VWF: variants seen among roughly 807,000 people sequenced by gnomAD.
VWF encodes von Willebrand factor.
A neutral mutation model predicts 308.6 loss-of-function variants in VWF; 176 were observed. The ratio of observed to expected loss-of-function variants is 0.57; its 90% CI spans 0.50 to 0.65. The LOEUF (loss-of-function observed/expected upper bound fraction) is 0.65, where lower values mean the gene tolerates loss of function less well. Among genes scored for constraint, VWF ranks in the 30% least tolerant of loss-of-function variants. The probability of loss-of-function intolerance (pLI) is 0.00; values close to 1 mark genes in which losing one functional copy is unlikely to be tolerated. For synonymous variants in VWF, 1,385 were observed against 1,443.4 expected (o/e 0.96, Z 0.92); for missense variants, 3,146 against 3,648.2 (o/e 0.86, Z 3.55).
At chr12:6,059,667 C>T (rs968225087) in intron 13 of VWF, among the ~76,000 whole-genome samples, 2 of 152,056 alleles carry the variant, frequency 1.3e-5, no homozygotes, top group African/African-American at 4.8e-5. Context: ...TCTCATTCTT[C>T]ATCATCTCCC....
intron 10 of VWF, among the ~76,000 whole-genome samples, chr12:6,066,509 A>G (rs1944716381): frequency 1.3e-5 from 2 of 152,270 alleles, no homozygotes; most frequent in South Asian, 4.1e-4. Flanking sequence ...TAAGGATCAA[A>G]GCAAAGATGA....
chr12:6,044,210 T>C (rs2136440118), intron 18 of VWF, 81 bp downstream of exon 18: 1 of 1,562,860 alleles, frequency 6.4e-7, no homozygotes, highest in South Asian at 1.2e-5. Flanking sequence ...TCTTCCTCTC[T>C]CTGGCTGCAC....
intron 5 of VWF, among the ~76,000 whole-genome samples, chr12:6,096,443 C>T (rs1945106949): frequency 6.6e-6 from 1 of 152,208 alleles, no homozygotes; most frequent in African/African-American, 2.4e-5. Flanking sequence ...ACCTGGGCAT[C>T]CCTCTACCAA....
chr12:6,117,151 T>C (rs758901254), intron 3 of VWF, among the ~76,000 whole-genome samples: 29 of 152,222 alleles, frequency 1.9e-4, no homozygotes, highest in Non-Finnish European at 3.7e-4. Context: ...AAAGTGTGTT[T>C]GATCCATAAC....
At chr12:6,032,301 C>T (rs1401612184) in intron 20 of VWF, among the ~76,000 whole-genome samples, 1 of 151,150 alleles carries the variant, frequency 6.6e-6, no homozygotes, top group Admixed American at 6.6e-5. Context: ...GCACTCCAGC[C>T]TGGTGACAGA....
chr12:6,064,427 C>T (rs920836999), intron 11 of VWF, 43 bp from the exon 12 acceptor site: 1 of 1,611,640 alleles, frequency 6.2e-7, no homozygotes, highest in Admixed American at 1.7e-5. Context: ...CACCCCCTGC[C>T]TATCCAGCTC....
chr12:6,034,863 C>G (rs889183960), intron 19 of VWF, 37 bp from the exon 20 acceptor site: 2 of 1,611,168 alleles, frequency 1.2e-6, no homozygotes, highest in African/African-American at 2.7e-5. Context: ...AAGTTGGGCA[C>G]CTTGGGTTTG....
At chr12:6,041,751 A>G (rs939608897) in intron 18 of VWF, among the ~76,000 whole-genome samples, 2 of 152,144 alleles carry the variant, frequency 1.3e-5, no homozygotes, top group African/African-American at 4.8e-5. Context: ...CCAGCTGAAA[A>G]TATTTTTTAG....
chr12:6,054,972 G>A (rs79879554), intron 15 of VWF, among the ~76,000 whole-genome samples: 9,183 of 152,196 alleles, frequency 0.06, 329 homozygotes, highest in East Asian at 0.13. Flanking sequence ...AGGCCATCTG[G>A]TCAGCCCAGT....
chr12:6,013,760 T>C, intron 31 of VWF, 115 bp from the exon 32 acceptor site: 1 of 1,162,926 alleles, frequency 8.6e-7, no homozygotes, highest in Non-Finnish European at 1.3e-6. Flanking sequence ...GCTGGTCACA[T>C]ACATCAGCCC....
intron 17 of VWF, among the ~76,000 whole-genome samples, chr12:6,045,890 A>G (rs1236531757): frequency 6.6e-6 from 1 of 152,308 alleles, no homozygotes; most frequent in Middle Eastern, 3.4e-3. Flanking sequence ...AACCCCCAGT[A>G]CCAGGTCAGC....
intron 2 of VWF, among the ~76,000 whole-genome samples, chr12:6,122,047 G>C (rs1300885396): frequency 2.6e-5 from 4 of 152,176 alleles, no homozygotes; most frequent in Admixed American, 1.3e-4. Flanking sequence ...CCATTTTGTT[G>C]TATAGCATAT....
chr12:5,967,380 G>A (rs982182587), intron 47 of VWF, 106 bp downstream of exon 47: 18 of 971,984 alleles, frequency 1.9e-5, no homozygotes, highest in Non-Finnish European at 2.3e-5. Flanking sequence ...TTTATAATCA[G>A]AAAATAATGA....
At chr12:5,983,836 A>AG in intron 40 of VWF, among the ~76,000 whole-genome samples, 1 of 109,112 alleles carries the variant, frequency 9.2e-6, no homozygotes, top group Non-Finnish European at 2.1e-5. Flanking sequence ...GATAGATGAT[A>AG]AATAGATATA....
intron 6 of VWF, among the ~76,000 whole-genome samples, chr12:6,076,420 G>A (rs1343071013): frequency 6.6e-6 from 1 of 152,124 alleles, no homozygotes; most frequent in Non-Finnish European, 1.5e-5. Flanking sequence ...GAATTGGTAG[G>A]CTTTTGTTTC....
At chr12:6,059,549 G>A (rs1944631050) in intron 13 of VWF, among the ~76,000 whole-genome samples, 1 of 152,184 alleles carries the variant, frequency 6.6e-6, no homozygotes, top group Non-Finnish European at 1.5e-5. Context: ...CAGATTTGGT[G>A]TCTGGTGAGG....
chr12:6,082,918 C>T (rs1944929598), intron 6 of VWF, among the ~76,000 whole-genome samples: 1 of 152,232 alleles, frequency 6.6e-6, no homozygotes, highest in African/African-American at 2.4e-5. Context: ...CCTGCCCTCC[C>T]ACTCCTGTTT....
chr12:6,064,452 C>T lies in VWF; in HGVS notation c.1294-68G>A, dbSNP rs552199419. ...CTATCCAGCTCCCCAGCCCAGGACC[C>T]TCTTAATCAGAGAAAGGCCTCAACC... On this transcript the variant is annotated intron_variant, in intron 11 of 51. Coordinates refer to ENST00000261405, the MANE Select transcript of VWF (RefSeq NM_000552.5). 6.6e-5 allele frequency: 105 copies of T among 1,601,284 alleles called. No individual in the cohort carries two copies. The African/African-American group carries it at 1.3e-3, about 20-fold the overall frequency.
chr12:6,024,431 A>G lies in VWF; in HGVS notation c.3223-644T>C, dbSNP rs1944167470. Among the ~76,000 whole-genome samples, 1 of 152,242 alleles carries G rather than the reference A, an allele frequency of 6.6e-6. No homozygotes were observed. Among genetic ancestry groups the G allele is most frequent in the African/African-American group, 2.4e-5 (1 of 41,464 alleles). On this transcript the variant is annotated intron_variant, in intron 24 of 51. Coordinates refer to ENST00000261405, the MANE Select transcript of VWF (RefSeq NM_000552.5). The surrounding 1 kb of genome is among the most constrained non-coding windows in gnomAD (Gnocchi z 4.0). ...GTCATTGTTTCCAAGACGTTCCAAC[A>G]GTCTCAATGTCCCCAACTCCTCCCC...
Sources: gnomAD v4.1 joint callset for allele counts (sites outside exome capture counted in the v4.1 genomes callset) on GRCh38, gnomAD v4.1.1 for gene constraint, Gnocchi (gnomAD v3.1) non-coding constraint, MANE v1.5 for transcripts, NCBI Gene and HGNC (gene_info 2026-07-23, HGNC 2026-07-21) for gene names.